PRKN: variants seen among roughly 807,000 people sequenced by gnomAD.
The protein encoded by PRKN is parkin RBR E3 ubiquitin protein ligase, also known as E3 ubiquitin-protein ligase parkin.
A neutral mutation model predicts 59.5 loss-of-function variants in PRKN; 56 were observed. The observed-to-expected ratio is 0.94, with a 90% confidence interval of 0.76 to 1.18. The LOEUF (loss-of-function observed/expected upper bound fraction) is 1.18, where lower values mean the gene tolerates loss of function less well. PRKN is among the 50% of genes most tolerant of loss of function. PRKN has a pLI of 0.00. For missense variants in PRKN, 657 were observed against 596.4 expected (o/e 1.10, Z -1.06); for synonymous variants, 250 against 222.1 (o/e 1.13, Z -1.12).
chr6:162,137,566 C>G (rs1270550152), intron 4 of PRKN, among the ~76,000 whole-genome samples: 1 of 152,198 alleles, frequency 6.6e-6, no homozygotes, highest in Non-Finnish European at 1.5e-5. Flanking sequence ...AAATTAGGAA[C>G]AGAAATGTAT....
intron 1 of PRKN, among the ~76,000 whole-genome samples, chr6:162,630,138 C>T (rs906732732): frequency 2.0e-5 from 3 of 152,108 alleles, no homozygotes; most frequent in Non-Finnish European, 4.4e-5. Context: ...CTTACTCTTA[C>T]GGTGCACACA....
intron 6 of PRKN, among the ~76,000 whole-genome samples, chr6:161,894,688 G>T (rs549479258): frequency 6.6e-6 from 1 of 152,144 alleles, no homozygotes; most frequent in Non-Finnish European, 1.5e-5. Flanking sequence ...CTTTCTCTAT[G>T]GGAACGTTTT....
intron 6 of PRKN, among the ~76,000 whole-genome samples, chr6:161,873,036 T>A (rs9458401): frequency 6.7e-6 from 1 of 148,980 alleles, no homozygotes; most frequent in Non-Finnish European, 1.5e-5. Context: ...TGGCTGATAA[T>A]AAGGGAGGGA....
At chr6:162,331,048 G>C (rs1484118597) in intron 2 of PRKN, among the ~76,000 whole-genome samples, 1 of 152,028 alleles carries the variant, frequency 6.6e-6, no homozygotes, top group Non-Finnish European at 1.5e-5. Flanking sequence ...ATAATTTTAG[G>C]CAGGGCACAC....
chr6:161,617,300 T>C (rs923856209), intron 7 of PRKN, among the ~76,000 whole-genome samples: 4 of 152,258 alleles, frequency 2.6e-5, no homozygotes, highest in Non-Finnish European at 4.4e-5. Context: ...AGATTCTTGA[T>C]AGTAGCCCTT....
chr6:161,835,118 C>T (rs1792693323), intron 6 of PRKN, among the ~76,000 whole-genome samples: 2 of 152,174 alleles, frequency 1.3e-5, no homozygotes, highest in South Asian at 2.1e-4. Flanking sequence ...CTGAAAACTA[C>T]TCAGCAAATT....
At chr6:161,678,625 G>A (rs968522490) in intron 7 of PRKN, among the ~76,000 whole-genome samples, 28 of 141,982 alleles carry the variant, frequency 2.0e-4, no homozygotes, top group Non-Finnish European at 3.6e-4. Flanking sequence ...AGACTGGAGT[G>A]CAGCAGCACA....
At position 161,573,525 on chromosome 6, in the gene PRKN, CG is replaced by C. The variant is rs1263511229; in HGVS notation, c.872-4110del. On this transcript the variant is annotated intron_variant, in intron 7 of 11. Transcript: ENST00000366898. Reference sequence around the variant, plus strand: ...CACGAGGTCAGGAGATTGAGACCATCGTGGCTAATACAGTGAAACCCCGTCT... The same window carrying C: ...CACGAGGTCAGGAGATTGAGACCATCTGGCTAATACAGTGAAACCCCGTCT... 6.6e-5 allele frequency among the ~76,000 whole-genome samples: 10 copies of C among 150,768 alleles called. No homozygotes were observed. The South Asian group carries it at 1.1e-3, about 16-fold the overall frequency.
chr6:161,521,826 G>C (rs554815232), intron 9 of PRKN, among the ~76,000 whole-genome samples: 44 of 152,228 alleles, frequency 2.9e-4, no homozygotes, highest in Admixed American at 1.0e-3. Context: ...TGCTCATTAG[G>C]CCTCTTCCAG....
intron 3 of PRKN, among the ~76,000 whole-genome samples, chr6:162,231,854 C>T (rs1192171543): frequency 1.3e-5 from 2 of 152,088 alleles, no homozygotes; most frequent in African/African-American, 4.8e-5. Flanking sequence ...GCAATCTCTC[C>T]CAGAGAAGAC....
chr6:162,603,587 C>G (rs1030980252), intron 1 of PRKN, among the ~76,000 whole-genome samples: 2 of 152,178 alleles, frequency 1.3e-5, no homozygotes, highest in Admixed American at 6.5e-5. Flanking sequence ...GGTCCCTGCT[C>G]TAAGCGATGC....
intron 7 of PRKN, among the ~76,000 whole-genome samples, chr6:161,732,749 CA>C (rs1338491223): frequency 2.0e-5 from 3 of 152,118 alleles, no homozygotes; most frequent in South Asian, 4.1e-4. Flanking sequence ...TCAGCCATTA[CA>C]TTAAAGATGT....
chr6:162,003,234 C>A (rs1005798120), intron 5 of PRKN, among the ~76,000 whole-genome samples: 27 of 150,036 alleles, frequency 1.8e-4, no homozygotes, highest in Non-Finnish European at 5.9e-5. Context: ...AAAATTTGGA[C>A]ATGTCCAGTT....
rs981200638 is a variant in PRKN, at chr6:161,352,132, T to C, written c.1286-1921A>G. On this transcript the variant is annotated intron_variant, in intron 11 of 11. Coordinates refer to ENST00000366898, the MANE Select transcript of PRKN (RefSeq NM_004562.3). The surrounding 1 kb of genome is among the most constrained non-coding windows in gnomAD (Gnocchi z 5.8). ...CTTGAATCCCACCTAGCGTTGAAGG[T>C]GCTCCATTACTCACTCTTACCAATT... Among the ~76,000 whole-genome samples, 7 of 152,178 alleles carry C rather than the reference T, an allele frequency of 4.6e-5. No homozygotes were observed. The highest frequency in any genetic ancestry group is 1.4e-4 in the African/African-American group (6 of 41,446).
chr6:161,961,012 C>G (rs924736428), intron 6 of PRKN, among the ~76,000 whole-genome samples: 2 of 152,148 alleles, frequency 1.3e-5, no homozygotes, highest in Non-Finnish European at 2.9e-5. Context: ...AAATAACATT[C>G]AAAATGTTAA....
At chr6:161,668,105 CA>C (rs997978227) in intron 7 of PRKN, among the ~76,000 whole-genome samples, 8 of 152,196 alleles carry the variant, frequency 5.3e-5, no homozygotes, top group African/African-American at 1.7e-4. Flanking sequence ...TCATACATTT[CA>C]CAGCTATAAG....
At chr6:162,006,569 C>T (rs1258071203) in intron 5 of PRKN, among the ~76,000 whole-genome samples, 1 of 152,204 alleles carries the variant, frequency 6.6e-6, no homozygotes, top group East Asian at 1.9e-4. Context: ...CACTCCACTC[C>T]TGTCTGCCCT....
At position 162,141,856 on chromosome 6, in the gene PRKN, A is replaced by ATTC. The variant is rs1246842783; in HGVS notation, c.534+59274_534+59275insGAA. On this transcript the variant is annotated intron_variant, in intron 4 of 11. Coordinates refer to ENST00000366898, the MANE Select transcript of PRKN (RefSeq NM_004562.3). ...GAAGTAGCCTTTTTCCCTAGAGAAG[A>ATTC]AGCATTAAAGGAGAGTCAGTCTAAC... 1.2e-3 allele frequency among the ~76,000 whole-genome samples: 177 copies of ATTC among 152,282 alleles called. 1 individual carries two copies. Among genetic ancestry groups the ATTC allele is most frequent in the African/African-American group, 4.0e-3 (168 of 41,560 alleles).
chr6:161,750,114 T>TACACACACACACACACAC (rs200233585), intron 7 of PRKN, among the ~76,000 whole-genome samples: 19 of 137,394 alleles, frequency 1.4e-4, no homozygotes, highest in African/African-American at 4.8e-4. Flanking sequence ...TATATATATA[T>TACACACACACACACACAC]ATATACACAC....
Sources: allele counts gnomAD v4.1 joint callset (sites outside exome capture counted in the v4.1 genomes callset), GRCh38; gene constraint gnomAD v4.1.1; non-coding constraint Gnocchi (gnomAD v3.1); transcripts MANE v1.5; gene names NCBI Gene and HGNC (gene_info 2026-07-23, HGNC 2026-07-21).